CALN1: variants seen among roughly 807,000 people sequenced by gnomAD.
The protein encoded by CALN1 is calcium-binding protein 8.
Under a neutral mutation model 30.6 loss-of-function variants are expected in CALN1, and 17 were observed. The ratio of observed to expected loss-of-function variants is 0.56; its 90% CI spans 0.38 to 0.83. The LOEUF is 0.83. Among genes scored for constraint, CALN1 ranks in the 40% least tolerant of loss-of-function variants. The pLI is 0.00. For missense variants in CALN1, 291 were observed against 354.9 expected (o/e 0.82, Z 1.45); for synonymous variants, 156 against 131.4 (o/e 1.19, Z -1.28).
At chr7:72,108,539 C>T (rs541769214) in intron 3 of CALN1, among the ~76,000 whole-genome samples, 1 of 152,308 alleles carries the variant, frequency 6.6e-6, no homozygotes, top group African/African-American at 2.4e-5. Flanking sequence ...GCCATGTTGA[C>T]TTCTGACAAA....
intron 5 of CALN1, among the ~76,000 whole-genome samples, chr7:71,899,850 GA>G (rs762016472): frequency 6.6e-6 from 1 of 151,688 alleles, no homozygotes; most frequent in Non-Finnish European, 1.5e-5. Flanking sequence ...TGATTCTCTG[GA>G]AAAAAAATGA....
chr7:72,079,427 G>T (rs187948622), intron 4 of CALN1, among the ~76,000 whole-genome samples: 55 of 152,214 alleles, frequency 3.6e-4, no homozygotes, highest in African/African-American at 1.3e-3. Flanking sequence ...TTGGCCACTT[G>T]CTTTTTATTA....
intron 5 of CALN1, among the ~76,000 whole-genome samples, chr7:71,817,761 G>A (rs960675389): frequency 5.3e-5 from 8 of 152,176 alleles, no homozygotes; most frequent in African/African-American, 1.9e-4. Flanking sequence ...TAATCCACCT[G>A]CCTTGGCCTC....
At chr7:71,936,340 T>A (rs968473898) in intron 5 of CALN1, among the ~76,000 whole-genome samples, 1 of 124,660 alleles carries the variant, frequency 8.0e-6, no homozygotes, top group Non-Finnish European at 1.6e-5. Flanking sequence ...CTACTAAAAA[T>A]ACAAAAAATT....
At chr7:72,188,787 T>C (rs1278120508) in intron 3 of CALN1, among the ~76,000 whole-genome samples, 1 of 152,150 alleles carries the variant, frequency 6.6e-6, no homozygotes, top group Admixed American at 6.5e-5. Flanking sequence ...ATAGAGCCGT[T>C]GTGTAGCTAA....
intron 5 of CALN1, among the ~76,000 whole-genome samples, chr7:71,872,271 T>C (rs1791981879): frequency 6.6e-6 from 1 of 152,148 alleles, no homozygotes; most frequent in South Asian, 2.1e-4. Context: ...ACCTGACACA[T>C]AGTAGGTGTT....
chr7:71,789,829 C>T (rs1460267450), intron 6 of CALN1, among the ~76,000 whole-genome samples: 1 of 152,050 alleles, frequency 6.6e-6, no homozygotes, highest in East Asian at 1.9e-4. Context: ...CAAGAAAAAG[C>T]ATTAGCCTGT....
At chr7:72,192,629 TTATTATTATTATTATTA>T (rs1790690503) in intron 3 of CALN1, among the ~76,000 whole-genome samples, 5 of 2,174 alleles carry the variant, frequency 2.3e-3, no homozygotes, top group African/African-American at 2.7e-3. Context: ...ATTTCTTTTA[TTATTATTATTATTATTA>T]TTATTATTAT....
intron 5 of CALN1, among the ~76,000 whole-genome samples, chr7:71,999,991 A>G (rs1049053666): frequency 1.3e-5 from 2 of 152,190 alleles, no homozygotes; most frequent in African/African-American, 4.8e-5. Context: ...AAATACCTGG[A>G]AAATTAATAA....
intron 2 of CALN1, among the ~76,000 whole-genome samples, chr7:72,302,313 A>C (rs1799325163): frequency 1.3e-5 from 2 of 152,198 alleles, no homozygotes; most frequent in African/African-American, 4.8e-5. Flanking sequence ...AGAATTAAAG[A>C]AAGCACCTAA....
At chr7:72,132,822 C>G (rs533076175) in intron 3 of CALN1, among the ~76,000 whole-genome samples, 2 of 152,196 alleles carry the variant, frequency 1.3e-5, no homozygotes, top group East Asian at 3.9e-4. Context: ...GTCCCCAACC[C>G]CCAGGCTACG....
chr7:72,105,802 G>A (rs1297496843), intron 4 of CALN1, among the ~76,000 whole-genome samples: 1 of 112,302 alleles, frequency 8.9e-6, no homozygotes, highest in Non-Finnish European at 1.9e-5. Flanking sequence ...AGGGAGGGAG[G>A]GAGGAGGAGG....
the CALN1 span, among the ~76,000 whole-genome samples, chr7:72,456,537 C>T: frequency 6.6e-6 from 1 of 151,528 alleles, no homozygotes; most frequent in Non-Finnish European, 1.5e-5. Context: ...GACCCTGTCT[C>T]CAAAATAATA....
At chr7:72,289,304 T>A (rs923015887) in intron 2 of CALN1, among the ~76,000 whole-genome samples, 1 of 152,190 alleles carries the variant, frequency 6.6e-6, no homozygotes, top group Non-Finnish European at 1.5e-5. Flanking sequence ...TCTTGACTGG[T>A]TCACCCAAAA....
Position 72,403,306 on chromosome 7 carries a change from C to A in CALN1, c.64G>T (p.Ala22Ser). The change falls in exon 2 of 7, where the codon GCC (alanine) becomes TCC (serine). Residue 22 changes from alanine (A) to serine (S), a missense_variant. Around this residue, in one of 2 missense-constraint regions of CALN1, gnomAD observed 122 missense variants for 103.2 expected, o/e 1.18. Transcript: ENST00000395275. Reference sequence around the variant, plus strand: ...GGCGGCTCCTCTCCCCCTCCGAGGGCTCCTCCGTCCCCCTTTTTCTCATTC... The same window carrying A: ...GGCGGCTCCTCTCCCCCTCCGAGGGATCCTCCGTCCCCCTTTTTCTCATTC... ...PENEKKGDGG[A>S]LGGGEEPPRS... is the part of the protein sequence containing the mutation. 3 of 1,550,268 alleles carry A rather than the reference C, an allele frequency of 1.9e-6. No homozygotes were observed. The highest frequency in any genetic ancestry group is 2.6e-6 in the Non-Finnish European group (3 of 1,147,012).
Position 71,787,670 on chromosome 7 carries a change from C to T in CALN1, c.*105G>A. On this transcript the variant is annotated 3_prime_UTR_variant, in exon 7 of 7. Transcript: ENST00000395275. ...ACTGAACGGTTCCATCGTCCGCATC[C>T]ATCCATAGTCCATAGGTCCGTGTCT... The T allele has an allele frequency of 6.7e-7, 1 of 1,488,304 alleles. No homozygotes were observed. The highest frequency in any genetic ancestry group is 9.1e-7 in the Non-Finnish European group (1 of 1,104,728). 92.2% of individuals were successfully genotyped at this position (1,488,304 alleles called of 1,614,324 possible). A position where few individuals can be genotyped will look rare whatever the true frequency, so the allele number is the denominator to read the frequency against.
chr7:72,080,177 C>G (rs1046777055), intron 4 of CALN1, among the ~76,000 whole-genome samples: 1 of 152,208 alleles, frequency 6.6e-6, no homozygotes, highest in Non-Finnish European at 1.5e-5. Context: ...AACCCAACTA[C>G]ACCTGTGCAG....
At chr7:71,823,213 C>T (rs1256398204) in intron 5 of CALN1, among the ~76,000 whole-genome samples, 3 of 151,662 alleles carry the variant, frequency 2.0e-5, no homozygotes, top group Non-Finnish European at 4.4e-5. Flanking sequence ...GACAGGGTCT[C>T]ACTCTGTGGC....
intron 2 of CALN1, among the ~76,000 whole-genome samples, chr7:72,381,387 G>A (rs1268386077): frequency 3.3e-5 from 5 of 152,124 alleles, no homozygotes; most frequent in African/African-American, 1.2e-4. Flanking sequence ...ACATGCACAT[G>A]TATGTTTACT....
Sources: gnomAD v4.1 joint callset for allele counts (sites outside exome capture counted in the v4.1 genomes callset) on GRCh38, gnomAD v4.1.1 for gene constraint, gnomAD v4.1.1 regional missense constraint, MANE v1.5 for transcripts, NCBI Gene and HGNC (gene_info 2026-07-23, HGNC 2026-07-21) for gene names.